The following CDC42BPA variants were observed in gnomAD, a reference collection of about 807,000 sequenced individuals.
CDC42BPA encodes serine/threonine-protein kinase MRCK alpha.
CDC42BPA carries 80 observed loss-of-function variants against 223.5 expected under a neutral mutation model. That is an observed-to-expected ratio of 0.36 (90% confidence interval 0.30 to 0.43). The LOEUF is 0.43. CDC42BPA is among the 20% of genes least tolerant of loss of function. CDC42BPA has a pLI of 1.00. For synonymous variants in CDC42BPA, 694 were observed against 718.6 expected, an observed-to-expected ratio of 0.97 and a Z score of 0.55; for missense variants, 1,743 against 2,099.9, an observed-to-expected ratio of 0.83 and a Z score of 3.32.
chr1:227,183,471 C>A (rs1199907993), intron 5 of CDC42BPA: 1 of 152,172 alleles, frequency 6.6e-6, no homozygotes, highest in African/African-American at 2.4e-5. Flanking sequence ...AGATTTAATT[C>A]TTCTCACAAA....
intron 1 of CDC42BPA, among the ~76,000 whole-genome samples, chr1:227,294,531 T>C (rs950180727): frequency 6.6e-6 from 1 of 152,032 alleles, no homozygotes; most frequent in Non-Finnish European, 1.5e-5. Context: ...GTGTAATAAC[T>C]ATTCCCATTT....
chr1:227,259,171 T>C (rs1377953701), intron 1 of CDC42BPA, among the ~76,000 whole-genome samples: 1 of 150,924 alleles, frequency 6.6e-6, no homozygotes, highest in East Asian at 1.9e-4. Context: ...CCCTCAGTTC[T>C]CAGGGGTGGG....
At chr1:227,250,243 T>C (rs906842849) in intron 2 of CDC42BPA, among the ~76,000 whole-genome samples, 1 of 152,158 alleles carries the variant, frequency 6.6e-6, no homozygotes, top group African/African-American at 2.4e-5. Flanking sequence ...ATCCCAGCAC[T>C]TTGGGAGGCC....
chr1:227,147,574 AT>A lies in CDC42BPA; in HGVS notation c.694-16del. 2 of 1,457,514 alleles carry A rather than the reference AT, an allele frequency of 1.4e-6. No homozygotes were observed. The highest frequency in any genetic ancestry group is 1.9e-6 in the Non-Finnish European group (2 of 1,066,868). The allele number at this position is 1,457,514 out of a possible 1,614,324, so 90.3% of individuals were successfully genotyped here. On this transcript the variant is annotated splice_polypyrimidine_tract_variant and intron_variant, in intron 6 of 36. Transcript: ENST00000366766. ...GAGGACTGAACCTGAAGAAATTTAC[AT>A]TTTTATTAATCTCCTATATTAGAAA...
intron 1 of CDC42BPA, among the ~76,000 whole-genome samples, chr1:227,315,911 T>C (rs1694297969): frequency 6.9e-6 from 1 of 144,234 alleles, no homozygotes; most frequent in African/African-American, 2.6e-5. Context: ...CATTCTTGTA[T>C]CAGTGGTTTA....
intron 3 of CDC42BPA, among the ~76,000 whole-genome samples, chr1:227,206,375 T>C (rs1672723878): frequency 6.6e-6 from 1 of 152,180 alleles, no homozygotes; most frequent in African/African-American, 2.4e-5. Context: ...TATACCTTTC[T>C]GCCCAGGTAT....
chr1:227,011,150 G>A, intron 34 of CDC42BPA: 2 of 648,424 alleles, frequency 3.1e-6, no homozygotes, highest in South Asian at 2.2e-5. Context: ...CAGAACAAAT[G>A]GAATAGTATC....
intron 2 of CDC42BPA, among the ~76,000 whole-genome samples, chr1:227,251,524 A>G (rs1274654492): frequency 1.3e-5 from 2 of 152,180 alleles, no homozygotes; most frequent in African/African-American, 4.8e-5. Context: ...GAAAGCTAAA[A>G]CGAAAAGGAC....
chr1:227,281,655 T>C (rs1489014658), intron 1 of CDC42BPA, among the ~76,000 whole-genome samples: 3 of 151,970 alleles, frequency 2.0e-5, no homozygotes, highest in Admixed American at 6.6e-5. Context: ...AGCAATTAAG[T>C]CTCTGAGAAC....
At chr1:227,306,021 T>C (rs1172257262) in intron 1 of CDC42BPA, among the ~76,000 whole-genome samples, 1 of 151,984 alleles carries the variant, frequency 6.6e-6, no homozygotes, top group African/African-American at 2.4e-5. Context: ...AGGATCATAT[T>C]AAAAATTCTG....
intron 1 of CDC42BPA, among the ~76,000 whole-genome samples, chr1:227,289,449 T>C (rs1220118767): frequency 6.6e-6 from 1 of 152,190 alleles, no homozygotes; most frequent in Non-Finnish European, 1.5e-5. Context: ...CTCAGAGGTC[T>C]TCACTAACCA....
chr1:227,272,856 G>C (rs950158417), intron 1 of CDC42BPA, among the ~76,000 whole-genome samples: 1 of 152,136 alleles, frequency 6.6e-6, no homozygotes, highest in African/African-American at 2.4e-5. Context: ...TTCAGAGTCA[G>C]AAAAAGTTGA....
At chr1:227,143,904 T>C (rs1284074753) in intron 8 of CDC42BPA, among the ~76,000 whole-genome samples, 1 of 152,218 alleles carries the variant, frequency 6.6e-6, no homozygotes, top group Admixed American at 6.5e-5. Flanking sequence ...TCAACTGTAC[T>C]ATGTATTTAA....
At chr1:227,293,001 A>G (rs1455043856) in intron 1 of CDC42BPA, among the ~76,000 whole-genome samples, 1 of 152,186 alleles carries the variant, frequency 6.6e-6, no homozygotes, top group Non-Finnish European at 1.5e-5. Flanking sequence ...CTAAAGTTGG[A>G]GTTTTAGATG....
chr1:227,013,072 TACTACATGTACAG>T, intron 34 of CDC42BPA, among the ~76,000 whole-genome samples: 2 of 152,264 alleles, frequency 1.3e-5, no homozygotes, highest in East Asian at 3.9e-4. Flanking sequence ...CTTTGATGCA[TACTACATGTACAG>T]GTGAAGAAAC....
At chr1:227,075,405 T>C (rs569719732) in intron 17 of CDC42BPA, among the ~76,000 whole-genome samples, 2 of 152,314 alleles carry the variant, frequency 1.3e-5, no homozygotes, top group East Asian at 3.9e-4. Flanking sequence ...AATTTATATA[T>C]ATCTTAAAGA....
chr1:227,031,680 C>G (rs1178342824), intron 27 of CDC42BPA, among the ~76,000 whole-genome samples, 166 bp from the exon 28 acceptor site: 1 of 152,100 alleles, frequency 6.6e-6, no homozygotes, highest in Non-Finnish European at 1.5e-5. Context: ...ACCTTTAGCA[C>G]TAGAATACAT....
At chr1:227,029,866 G>A (rs1219048055) in intron 29 of CDC42BPA, among the ~76,000 whole-genome samples, 1 of 152,134 alleles carries the variant, frequency 6.6e-6, no homozygotes, top group Non-Finnish European at 1.5e-5. Flanking sequence ...TGGGCGCAGT[G>A]GCTCATGCTT....
rs777660742 is a variant in CDC42BPA at position 227,115,026 on chromosome 1, T to G, written c.1648-2113A>C. Among the ~76,000 whole-genome samples, 12 of 152,206 alleles carry G rather than the reference T, an allele frequency of 7.9e-5. No homozygotes were observed. The South Asian group carries it at 1.5e-3, about 18-fold the overall frequency. On this transcript the variant is annotated intron_variant, in intron 12 of 36. Coordinates refer to ENST00000366766, the MANE Select transcript of CDC42BPA (RefSeq NM_001394014.1). ...AAATTTCAGTGAAGAAGAAATGATT[T>G]TGCAAACAAAAAGAGTTCTGGAGAC...
Sources: gnomAD v4.1 joint callset for allele counts (sites outside exome capture counted in the v4.1 genomes callset) on GRCh38, gnomAD v4.1.1 for gene constraint, MANE v1.5 for transcripts, NCBI Gene and HGNC (gene_info 2026-07-23, HGNC 2026-07-21) for gene names.